Variants in NRXN3 observed in about 807,000 individuals in gnomAD.
The protein encoded by NRXN3 is neurexin III.
Under a neutral mutation model 137.6 loss-of-function variants are expected in NRXN3, and 32 were observed. The observed-to-expected ratio is 0.23, with a 90% CI of 0.18 to 0.31. The LOEUF is 0.31. Ranked by LOEUF, NRXN3 falls within the 10% of genes least tolerant of loss-of-function variation. The probability of loss-of-function intolerance (pLI) is 1.00; values close to 1 mark genes in which losing one functional copy is unlikely to be tolerated. For synonymous variants in NRXN3, 798 were observed against 784.5 expected (o/e 1.02, Z -0.29); for missense variants, 1,574 against 2,062.5 (o/e 0.76, Z 4.59).
intron 4 of NRXN3, among the ~76,000 whole-genome samples, chr14:78,446,764 T>C (rs1332352649): frequency 6.6e-6 from 1 of 152,236 alleles, no homozygotes; most frequent in African/African-American, 2.4e-5. Flanking sequence ...TGGTTAAAGA[T>C]CGCATTTGCC....
intron 16 of NRXN3, among the ~76,000 whole-genome samples, chr14:79,496,883 G>C (rs1022926793): frequency 6.6e-6 from 1 of 152,140 alleles, no homozygotes; most frequent in African/African-American, 2.4e-5. Context: ...GCATTTCAAC[G>C]GCATTAGTAA....
At chr14:79,347,803 A>C (rs1039145230) in intron 15 of NRXN3, among the ~76,000 whole-genome samples, 43 of 152,326 alleles carry the variant, frequency 2.8e-4, no homozygotes, top group African/African-American at 1.0e-3. Flanking sequence ...GAACTCATAC[A>C]CACTAAAAAT....
At chr14:79,547,918 A>C (rs1231587557) in intron 16 of NRXN3, among the ~76,000 whole-genome samples, 1 of 152,162 alleles carries the variant, frequency 6.6e-6, no homozygotes, top group Non-Finnish European at 1.5e-5. Flanking sequence ...TTGTCCTTTG[A>C]CTTAGGCAAC....
chr14:78,213,647 G>A (rs765551890), intron 1 of NRXN3, among the ~76,000 whole-genome samples: 18 of 152,132 alleles, frequency 1.2e-4, no homozygotes, highest in Non-Finnish European at 2.2e-4. Context: ...GGGAGTGGCC[G>A]CAATGTGAAT....
chr14:78,884,441 A>G (rs2099137529), intron 10 of NRXN3, among the ~76,000 whole-genome samples: 1 of 152,116 alleles, frequency 6.6e-6, no homozygotes, highest in African/African-American at 2.4e-5. Context: ...TAACCCTTCC[A>G]ACTTCCTCCT....
chr14:78,705,742 G>C (rs1349306873), intron 6 of NRXN3, among the ~76,000 whole-genome samples: 1 of 152,224 alleles, frequency 6.6e-6, no homozygotes, highest in African/African-American at 2.4e-5. Context: ...ATGGGACTCA[G>C]AAGGGTTATT....
chr14:78,479,215 G>A (rs773344997), intron 4 of NRXN3, among the ~76,000 whole-genome samples: 6 of 152,168 alleles, frequency 3.9e-5, no homozygotes, highest in Non-Finnish European at 8.8e-5. Flanking sequence ...CTCCCAAGAG[G>A]CATAGTGAGT....
At chr14:78,432,042 C>A (rs1318998366) in intron 4 of NRXN3, among the ~76,000 whole-genome samples, 1 of 152,034 alleles carries the variant, frequency 6.6e-6, no homozygotes, top group Non-Finnish European at 1.5e-5. Flanking sequence ...ATGATGGATT[C>A]ATTTTGGACA....
intron 15 of NRXN3, among the ~76,000 whole-genome samples, chr14:79,057,718 C>A (rs2099667605): frequency 6.6e-6 from 1 of 152,064 alleles, no homozygotes; most frequent in African/African-American, 2.4e-5. Flanking sequence ...TGAGAGGGCA[C>A]TCTAAGGGGA....
chr14:78,591,669 G>A (rs1366159923), intron 4 of NRXN3, among the ~76,000 whole-genome samples: 1 of 152,134 alleles, frequency 6.6e-6, no homozygotes, highest in Non-Finnish European at 1.5e-5. Flanking sequence ...CTAGAGATGT[G>A]CCCAGTGGTC....
chr14:78,538,332 C>T (rs2096556121), intron 4 of NRXN3, among the ~76,000 whole-genome samples: 1 of 152,106 alleles, frequency 6.6e-6, no homozygotes, highest in Admixed American at 6.5e-5. Context: ...ACTTCACATC[C>T]CTTGTAAGTT....
intron 20 of NRXN3, among the ~76,000 whole-genome samples, chr14:79,837,892 C>T (rs2099347609): frequency 6.6e-6 from 1 of 152,118 alleles, no homozygotes; most frequent in African/African-American, 2.4e-5. Context: ...TTAGCCAGTT[C>T]CACAGGGCAT....
intron 15 of NRXN3, among the ~76,000 whole-genome samples, chr14:79,315,388 C>G (rs763796073): frequency 2.0e-5 from 3 of 151,900 alleles, no homozygotes; most frequent in Admixed American, 1.3e-4. Flanking sequence ...AATGCAGGAC[C>G]AATGCTCCAT....
Position 79,598,232 on chromosome 14 carries a change from T to G in NRXN3, c.3445-65546T>G, listed in dbSNP as rs566316263. Among the ~76,000 whole-genome samples the G allele has an allele frequency of 1.6e-4, 24 of 152,270 alleles. No individual in the cohort carries two copies. The South Asian group carries it at 4.8e-3, about 30-fold the overall frequency. ...GTATAGTATCGTTGGTGCAGAGGAT[T>G]TGGGATAGAAATCCAGTCTGGGGGC... On this transcript the variant is annotated intron_variant, in intron 16 of 20. Coordinates refer to ENST00000335750, the MANE Select transcript of NRXN3 (RefSeq NM_001330195.2).
chr14:79,472,660 G>A (rs1439610651), intron 16 of NRXN3, among the ~76,000 whole-genome samples: 2 of 152,108 alleles, frequency 1.3e-5, no homozygotes, highest in Non-Finnish European at 2.9e-5. Context: ...CATTGAAATC[G>A]ATTGTTGAGG....
intron 16 of NRXN3, among the ~76,000 whole-genome samples, chr14:79,615,346 C>T (rs1451251413): frequency 6.6e-6 from 1 of 152,054 alleles, no homozygotes; most frequent in African/African-American, 2.4e-5. Context: ...CAAATTCCTA[C>T]CAGAAAAAAT....
rs77223298 is a variant in NRXN3 at position 79,813,267 on chromosome 14, T to G, written c.4093+8077T>G. Reference sequence around the variant, plus strand: ...ATAATTATAATGCTGACTCCATAATTCAGTTATCCTTGGGAGGGGTGGAAA... The same window carrying G: ...ATAATTATAATGCTGACTCCATAATGCAGTTATCCTTGGGAGGGGTGGAAA... On this transcript the variant is annotated intron_variant, in intron 20 of 20. Transcript: ENST00000335750. Among the ~76,000 whole-genome samples, 335 of 152,234 alleles carry G rather than the reference T, an allele frequency of 2.2e-3. 10 individuals are homozygous for G. In the East Asian group the frequency reaches 0.043, roughly 20 times the overall value.
intron 1 of NRXN3, among the ~76,000 whole-genome samples, chr14:78,202,608 C>G (rs2061780117): frequency 6.6e-6 from 1 of 152,170 alleles, no homozygotes. Flanking sequence ...GATGGGCTTT[C>G]TGTTTCTATG....
At chr14:78,186,153 C>T (rs2060210698) in intron 1 of NRXN3, among the ~76,000 whole-genome samples, 1 of 152,170 alleles carries the variant, frequency 6.6e-6, no homozygotes, top group South Asian at 2.1e-4. Flanking sequence ...GTACATTTGA[C>T]ACATCTTGGC....
Sources: allele counts gnomAD v4.1 joint callset (sites outside exome capture counted in the v4.1 genomes callset), GRCh38; gene constraint gnomAD v4.1.1; transcripts MANE v1.5; gene names NCBI Gene and HGNC (gene_info 2026-07-23, HGNC 2026-07-21).